CUX2: variants seen among roughly 807,000 people sequenced by gnomAD.
CUX2 encodes cut like homeobox 2, also known as homeobox protein cut-like 2.
In CUX2, 40 loss-of-function variants were observed where a neutral mutation model predicts 144.8. The ratio of observed to expected loss-of-function variants is 0.28; its 90% CI spans 0.21 to 0.36. The LOEUF is 0.36. Among genes scored for constraint, CUX2 ranks in the 10% least tolerant of loss-of-function variants. CUX2 has a pLI of 1.00. For missense variants in CUX2, 1,615 were observed against 1,994.0 expected, an observed-to-expected ratio of 0.81 and a Z score of 3.62; for synonymous variants, 827 against 875.6, an observed-to-expected ratio of 0.94 and a Z score of 0.98.
Position 111,295,243 on chromosome 12 carries a change from A to G in CUX2, c.561-90A>G. ...AGGTGCAGGTTACAGGGAGTGGGCA[A>G]GGGGTAGGAAGCAAGATGGGGCTCG... is the stretch of plus-strand genomic sequence containing the variant. On this transcript the variant is annotated intron_variant, in intron 6 of 21. Coordinates refer to ENST00000261726, the MANE Select transcript of CUX2 (RefSeq NM_015267.4). The surrounding 1 kb of genome is among the most constrained non-coding windows in gnomAD (Gnocchi z 5.0). 8.9e-7 allele frequency: 1 copy of G among 1,123,818 alleles called. No homozygotes were observed. The highest frequency in any genetic ancestry group is 1.4e-5 in the South Asian group (1 of 71,470). The allele number at this position is 1,123,818 out of a possible 1,614,324, so 69.6% of individuals were successfully genotyped here.
intron 18 of CUX2, among the ~76,000 whole-genome samples, chr12:111,331,116 A>G (rs1316674132): frequency 6.6e-6 from 1 of 151,842 alleles, no homozygotes; most frequent in Non-Finnish European, 1.5e-5. Flanking sequence ...GTTGGCAGGG[A>G]CAAGGGAGTT....
chr12:111,109,633 C>T (rs1365599580), intron 1 of CUX2, among the ~76,000 whole-genome samples: 1 of 152,100 alleles, frequency 6.6e-6, no homozygotes, highest in East Asian at 1.9e-4. Context: ...TATTTAGAGA[C>T]CACAGTCTGG....
chr12:111,137,617 G>A (rs1021969372), intron 1 of CUX2, among the ~76,000 whole-genome samples: 2 of 152,032 alleles, frequency 1.3e-5, no homozygotes, highest in Non-Finnish European at 2.9e-5. Flanking sequence ...AGGCTCAGGT[G>A]GTTCTCCCAC....
intron 3 of CUX2, among the ~76,000 whole-genome samples, chr12:111,258,836 C>T (rs781378605): frequency 6.6e-6 from 1 of 152,102 alleles, no homozygotes. Context: ...CAGGGGTGCA[C>T]CACCACACCT....
intron 1 of CUX2, among the ~76,000 whole-genome samples, chr12:111,153,079 G>A (rs536906785): frequency 5.3e-5 from 8 of 152,254 alleles, no homozygotes; most frequent in East Asian, 1.9e-4. Flanking sequence ...TCTGAATCCC[G>A]AAAGCCACCC....
intron 1 of CUX2, among the ~76,000 whole-genome samples, chr12:111,040,987 G>A (rs1264773329): frequency 2.6e-5 from 4 of 152,168 alleles, no homozygotes; most frequent in Non-Finnish European, 5.9e-5. Flanking sequence ...TAACTTTTCA[G>A]TTAAGAGTAT....
At chr12:111,260,006 C>G (rs1884031859) in intron 3 of CUX2, among the ~76,000 whole-genome samples, 1 of 149,856 alleles carries the variant, frequency 6.7e-6, no homozygotes, top group Admixed American at 6.7e-5. Flanking sequence ...TACTAAAATA[C>G]AAAAAAATTA....
At chr12:111,292,694 T>G (rs1421838493) in intron 5 of CUX2, among the ~76,000 whole-genome samples, 1 of 152,126 alleles carries the variant, frequency 6.6e-6, no homozygotes, top group Non-Finnish European at 1.5e-5. Context: ...ACAGGCAAAT[T>G]GGTAGAGACA....
rs771273865 is a variant in CUX2, at chr12:111,310,061, G to A, written c.1279G>A (p.Asp427Asn). The change falls in exon 15 of 22, where the codon GAT becomes AAT. Residue 427 changes from aspartate (D) to asparagine (N), a missense_variant. Physicochemically the swap from Asp to Asn is conservative, Grantham distance 23 (BLOSUM62 1). Coordinates refer to ENST00000261726, the MANE Select transcript of CUX2 (RefSeq NM_015267.4). This position sits in a 1 kb window ranked among gnomAD's most constrained non-coding sequence, Gnocchi z 7.9. ...ASPEEDPSED[D>N]SIKDSLGTEQ... is the part of the protein sequence containing the mutation. ...TCTAGAGGAAGACCCATCAGAGGAC[G>A]ATTCCATCAAGGATTCACTGGGCAC... 1.2e-5 allele frequency: 16 copies of A among 1,359,678 alleles called. No homozygotes were observed. Among genetic ancestry groups the A allele is most frequent in the Non-Finnish European group, 1.4e-5 (15 of 1,056,092 alleles). 84.2% of individuals were successfully genotyped at this position (1,359,678 alleles called of 1,614,324 possible). A position where few individuals can be genotyped will look rare whatever the true frequency, so the allele number is the denominator to read the frequency against.
At chr12:111,248,070 T>C (rs1883367546) in intron 3 of CUX2, among the ~76,000 whole-genome samples, 1 of 152,056 alleles carries the variant, frequency 6.6e-6, no homozygotes, top group African/African-American at 2.4e-5. Context: ...TAATTTTTTT[T>C]CCATATTTTT....
chr12:111,185,613 T>C (rs1410745973), intron 1 of CUX2, among the ~76,000 whole-genome samples: 1 of 152,192 alleles, frequency 6.6e-6, no homozygotes, highest in Non-Finnish European at 1.5e-5. Flanking sequence ...CAGCACTGGC[T>C]GAGTAGGGTG....
intron 1 of CUX2, among the ~76,000 whole-genome samples, chr12:111,096,705 A>G (rs1020561929): frequency 3.9e-5 from 6 of 152,138 alleles, no homozygotes; most frequent in African/African-American, 1.2e-4. Flanking sequence ...TCTGGCTTGA[A>G]GAAGTTAGTA....
chr12:111,046,972 TA>T, intron 1 of CUX2, among the ~76,000 whole-genome samples: 1 of 152,350 alleles, frequency 6.6e-6, no homozygotes, highest in East Asian at 1.9e-4. Flanking sequence ...CTGTTCTTTT[TA>T]AAAACCTCTG....
At chr12:111,241,061 C>T (rs1232610543) in intron 3 of CUX2, among the ~76,000 whole-genome samples, 1 of 152,176 alleles carries the variant, frequency 6.6e-6, no homozygotes, top group East Asian at 1.9e-4. Context: ...TTACTTGGCT[C>T]ACCGTTCTGA....
In CUX2 at chr12:111,047,771, G is replaced by A. The variant is rs115130163; in HGVS notation, c.63+13531G>A. Among the ~76,000 whole-genome samples, 521 of 152,324 alleles carry A rather than the reference G, an allele frequency of 3.4e-3. 3 individuals carry two copies. The highest frequency in any genetic ancestry group is 0.012 in the African/African-American group (505 of 41,576). On this transcript the variant is annotated intron_variant, in intron 1 of 21. Transcript: ENST00000261726. The stretch of plus-strand genomic sequence containing the variant: ...ACAATGCCAGCTGCTGGGTGTGGAA[G>A]GGCAAGCTAAACAAATAAATGTGTA...
At chr12:111,335,392 C>CA (rs376667320) in intron 19 of CUX2, among the ~76,000 whole-genome samples, 14,011 of 148,616 alleles carry the variant, frequency 0.094, 813 homozygotes, top group Non-Finnish European at 0.14. Flanking sequence ...GACCTCATCT[C>CA]AAAAAAAAAA....
intron 1 of CUX2, among the ~76,000 whole-genome samples, chr12:111,144,930 T>C (rs1181305612): frequency 6.6e-6 from 1 of 152,140 alleles, no homozygotes; most frequent in African/African-American, 2.4e-5. Context: ...TCATACCTTT[T>C]TCCTGTCCCA....
rs565184303 is a variant in CUX2, at chr12:111,127,338, G to A, written c.64-86862G>A. 2.0e-5 allele frequency among the ~76,000 whole-genome samples: 3 copies of A among 152,328 alleles called. No individual in the cohort carries two copies. The East Asian group carries it at 5.8e-4, about 29-fold the overall frequency. The stretch of plus-strand genomic sequence containing the variant: ...GTCTGGGCCATTAGCAGTCCTGCCT[G>A]GACTGGGTTGTAGTTTTCCATTGAC... On this transcript the variant is annotated intron_variant, in intron 1 of 21. Transcript: ENST00000261726.
intron 1 of CUX2, among the ~76,000 whole-genome samples, chr12:111,063,627 T>A (rs1420277966): frequency 6.6e-6 from 1 of 152,128 alleles, no homozygotes; most frequent in Non-Finnish European, 1.5e-5. Context: ...GGGCCTGCCT[T>A]GGGGGCTGGG....
Sources: allele counts gnomAD v4.1 joint callset (sites outside exome capture counted in the v4.1 genomes callset), GRCh38; gene constraint gnomAD v4.1.1; non-coding constraint Gnocchi (gnomAD v3.1); transcripts MANE v1.5; gene names NCBI Gene and HGNC (gene_info 2026-07-23, HGNC 2026-07-21).